Variants in CATSPER3 observed in about 807,000 individuals in gnomAD.
CATSPER3 encodes cation channel sperm associated 3, also known as cation channel sperm-associated protein 3.
In CATSPER3, 23 loss-of-function variants were observed where a neutral mutation model predicts 36.6. That is an observed-to-expected ratio of 0.63 (90% CI 0.45 to 0.89). CATSPER3 has a LOEUF of 0.89. Ranked by LOEUF, CATSPER3 falls within the 40% of genes least tolerant of loss-of-function variation. CATSPER3 has a pLI of 0.00. For synonymous variants in CATSPER3, 172 were observed against 184.1 expected (o/e 0.93, Z 0.53); for missense variants, 474 against 503.9 (o/e 0.94, Z 0.57).
Position 135,008,775 on chromosome 5 carries a change from A to G in CATSPER3, c.676-66A>G. On this transcript the variant is annotated intron_variant, in intron 4 of 7. Coordinates refer to ENST00000282611, the MANE Select transcript of CATSPER3 (RefSeq NM_178019.3). ...TCAGTGGGCCTGGGACTCCTCTAGC[A>G]TAGGTGAAAAGGAGGCCTGTGCCAC... 15 of 1,449,764 alleles carry G rather than the reference A, an allele frequency of 1.0e-5. No individual in the cohort carries two copies. The South Asian group carries it at 1.3e-4, about 12-fold the overall frequency. The allele number at this position is 1,449,764 out of a possible 1,614,324, so 89.8% of individuals were successfully genotyped here. A position where few individuals can be genotyped will look rare whatever the true frequency, so the allele number is the denominator to read the frequency against.
intron 2 of CATSPER3, among the ~76,000 whole-genome samples, chr5:134,987,349 T>A (rs1751823702): frequency 6.6e-6 from 1 of 151,966 alleles, no homozygotes; most frequent in Admixed American, 6.6e-5. Flanking sequence ...ATCAAAAACC[T>A]CCCAACAAAG....
rs1269848776 is a variant in CATSPER3, at chr5:134,996,210, C to G, written c.253-63C>G. On this transcript the variant is annotated intron_variant, in intron 2 of 7. Coordinates refer to ENST00000282611, the MANE Select transcript of CATSPER3 (RefSeq NM_178019.3). ...CCCCTTCCGGGGCTCACGCAGGGAGCAGGCCAGAGCTCTAGGGCTGTGCAG... is the reference window on the plus strand; with the variant it reads ...CCCCTTCCGGGGCTCACGCAGGGAGGAGGCCAGAGCTCTAGGGCTGTGCAG... The G allele has an allele frequency of 1.3e-5, 21 of 1,610,688 alleles. No individual in the cohort carries two copies. The Admixed American group carries it at 2.7e-4, about 20-fold the overall frequency.
chr5:134,968,009 C>G lies in CATSPER3; in HGVS notation c.18C>G (p.His6Gln). MSQHRHQRHSRVISSS... is the reference protein window; with the variant it reads MSQHRQQRHSRVISSS... ...TTTGGAAAATGTCTCAACACCGTCA[C>G]CAGCGCCACTCGAGAGTCATTTCTA... The change falls in exon 1 of 8, where the codon CAC becomes CAG. Residue 6 changes from histidine (H) to glutamine (Q), a missense_variant. Transcript: ENST00000282611. 1 of 1,613,964 alleles carries G rather than the reference C, an allele frequency of 6.2e-7. No individual in the cohort carries two copies. Among genetic ancestry groups the G allele is most frequent in the Non-Finnish European group, 8.5e-7 (1 of 1,179,848 alleles).
Position 134,996,417 on chromosome 5 carries a change from C to T in CATSPER3, c.397C>T (p.Gln133Ter). 6.2e-7 allele frequency: 1 copy of T among 1,614,220 alleles called. No individual in the cohort carries two copies. Among genetic ancestry groups the T allele is most frequent in the Non-Finnish European group, 8.5e-7 (1 of 1,180,010 alleles). ...TATGTTTTTACCCTATGCCCTCCGC[C>T]AGCTCATGGGCAAACAGTTCACTTA... Reference protein sequence around the residue: ...IVMFLPYALRQLMGKQFTYLY... With the variant: ...IVMFLPYALR The change falls in exon 3 of 8, where the codon CAG (glutamine) becomes TAG (stop). Residue 133 changes from glutamine (Q) to a stop codon, truncating the protein, a stop_gained. Coordinates refer to ENST00000282611, the MANE Select transcript of CATSPER3 (RefSeq NM_178019.3). LOFTEE classifies it high-confidence loss of function.
intron 3 of CATSPER3, among the ~76,000 whole-genome samples, chr5:135,007,533 C>A (rs150632496): frequency 6.6e-6 from 1 of 152,298 alleles, no homozygotes; most frequent in Non-Finnish European, 1.5e-5. Flanking sequence ...CTTCTGTATA[C>A]TCACTCCCAG....
At chr5:134,982,971 G>C (rs1474455234) in intron 2 of CATSPER3, among the ~76,000 whole-genome samples, 1 of 152,134 alleles carries the variant, frequency 6.6e-6, no homozygotes, top group Non-Finnish European at 1.5e-5. Flanking sequence ...AGCTAAGGTT[G>C]TGTTAATTAA....
chr5:134,984,956 T>G (rs995431637), intron 2 of CATSPER3, among the ~76,000 whole-genome samples: 8 of 152,164 alleles, frequency 5.3e-5, no homozygotes, highest in Non-Finnish European at 8.8e-5. Flanking sequence ...GTAGCTGTGA[T>G]TACAGGCATA....
At chr5:134,995,221 T>C (rs762832774) in intron 2 of CATSPER3, among the ~76,000 whole-genome samples, 1 of 152,200 alleles carries the variant, frequency 6.6e-6, no homozygotes, top group Non-Finnish European at 1.5e-5. Context: ...ACTGATCTAT[T>C]GAACATTAGG....
rs149771301 is a variant in CATSPER3 at position 135,009,469 on chromosome 5, C to T, written c.915C>T (p.Ile305=). The T allele has an allele frequency of 5.7e-5, 86 of 1,496,644 alleles. No individual in the cohort carries two copies. The highest frequency in any genetic ancestry group is 7.2e-5 in the Non-Finnish European group (81 of 1,123,046). 92.7% of individuals were successfully genotyped at this position (1,496,644 alleles called of 1,614,324 possible). ...QVILQRQQEE[I]SRLMHIQKNA... ...TTCTGCAGCGGCAGCAGGAGGAGAT[C>T]AGCAGGCTGATGCACATACAGGTGA... is the stretch of plus-strand genomic sequence containing the variant. The change falls in exon 6 of 8, where the codon ATC becomes ATT. Residue 305 remains isoleucine (I), a synonymous_variant. Coordinates refer to ENST00000282611, the MANE Select transcript of CATSPER3 (RefSeq NM_178019.3).
chr5:135,001,848 A>G (rs1340892977), intron 3 of CATSPER3, among the ~76,000 whole-genome samples: 14 of 152,204 alleles, frequency 9.2e-5, no homozygotes, highest in African/African-American at 2.9e-4. Context: ...TTTTGAGCCT[A>G]TGTGTGTCTC....
chr5:134,986,961 A>G (rs922456408), intron 2 of CATSPER3, among the ~76,000 whole-genome samples: 1 of 152,228 alleles, frequency 6.6e-6, no homozygotes, highest in Non-Finnish European at 1.5e-5. Context: ...GCCTTAAGGA[A>G]CGAGAAAAAG....
intron 3 of CATSPER3, among the ~76,000 whole-genome samples, chr5:135,004,765 G>C (rs1332093945): frequency 6.6e-6 from 1 of 152,180 alleles, no homozygotes; most frequent in Non-Finnish European, 1.5e-5. Context: ...TTCAAGACAT[G>C]AGGGAGAGGG....
At chr5:135,006,443 A>G (rs1369234152) in intron 3 of CATSPER3, among the ~76,000 whole-genome samples, 1 of 152,126 alleles carries the variant, frequency 6.6e-6, no homozygotes, top group Admixed American at 6.5e-5. Flanking sequence ...TCTGCAGACC[A>G]TATCTCATCA....
chr5:134,977,488 A>G (rs1751688127), intron 2 of CATSPER3, among the ~76,000 whole-genome samples: 1 of 149,506 alleles, frequency 6.7e-6, no homozygotes, highest in Non-Finnish European at 1.5e-5. Flanking sequence ...TAGACTCCAC[A>G]TTTCCATCTG....
chr5:135,005,798 C>T (rs1275530412), intron 3 of CATSPER3, among the ~76,000 whole-genome samples: 3 of 152,228 alleles, frequency 2.0e-5, no homozygotes, highest in African/African-American at 4.8e-5. Context: ...AAGCAACCTT[C>T]AGATGCTGGG....
chr5:135,005,472 C>T (rs1275343765), intron 3 of CATSPER3, among the ~76,000 whole-genome samples: 1 of 152,192 alleles, frequency 6.6e-6, no homozygotes, highest in Non-Finnish European at 1.5e-5. Flanking sequence ...GACCCTAGAT[C>T]CCCAGAGGCA....
intron 2 of CATSPER3, among the ~76,000 whole-genome samples, chr5:134,984,261 C>G (rs1246258863): frequency 1.3e-5 from 2 of 152,058 alleles, no homozygotes; most frequent in Admixed American, 1.3e-4. Context: ...AAAGCAAATG[C>G]AACAAAATTG....
At chr5:134,970,162 AT>A (rs530032277) in intron 2 of CATSPER3, 70 bp downstream of exon 2, 133,758 of 1,064,738 alleles carry the variant, frequency 0.13, no homozygotes, top group Non-Finnish European at 0.13. Flanking sequence ...ACATTATAAG[AT>A]TTTTTTTTTT....
At chr5:134,991,947 A>T (rs1751883753) in intron 2 of CATSPER3, among the ~76,000 whole-genome samples, 1 of 152,054 alleles carries the variant, frequency 6.6e-6, no homozygotes, top group Non-Finnish European at 1.5e-5. Flanking sequence ...AACCTGATGG[A>T]ACCTTGTCTA....
Sources: gnomAD v4.1 joint callset for allele counts (sites outside exome capture counted in the v4.1 genomes callset) on GRCh38, gnomAD v4.1.1 for gene constraint, MANE v1.5 for transcripts, NCBI Gene and HGNC (gene_info 2026-07-23, HGNC 2026-07-21) for gene names.